Variants in MYO6 observed in about 807,000 individuals in gnomAD.
MYO6 encodes unconventional myosin-VI.
A neutral mutation model predicts 178.7 loss-of-function variants in MYO6; 74 were observed. The observed-to-expected ratio is 0.41, with a 90% confidence interval of 0.34 to 0.50. The LOEUF is 0.50. Ranked by LOEUF, MYO6 falls within the 20% of genes least tolerant of loss-of-function variation. MYO6 has a pLI of 0.09. For missense variants in MYO6, 1,330 were observed against 1,547.4 expected, an observed-to-expected ratio of 0.86 and a Z score of 2.36; for synonymous variants, 477 against 504.6, an observed-to-expected ratio of 0.95 and a Z score of 0.73.
At chr6:75,900,491 G>C (rs1169376920) in intron 30 of MYO6, among the ~76,000 whole-genome samples, 1 of 152,190 alleles carries the variant, frequency 6.6e-6, no homozygotes, top group South Asian at 2.1e-4. Context: ...GGCCAGTGAT[G>C]GTGAGCATTT....
intron 23 of MYO6, among the ~76,000 whole-genome samples, chr6:75,882,342 TC>T (rs1778106700): frequency 6.6e-6 from 1 of 152,238 alleles, no homozygotes; most frequent in Non-Finnish European, 1.5e-5. Context: ...AGACTGGTTT[TC>T]CTGGTTTCTT....
intron 6 of MYO6, among the ~76,000 whole-genome samples, chr6:75,834,116 T>G (rs1773399268): frequency 6.6e-6 from 1 of 152,220 alleles, no homozygotes; most frequent in South Asian, 2.1e-4. Context: ...TTACGATAAT[T>G]TGCCTCCTTA....
intron 10 of MYO6, 62 bp downstream of exon 10, chr6:75,845,039 G>C: frequency 7.3e-7 from 1 of 1,360,866 alleles, no homozygotes; most frequent in South Asian, 1.2e-5. Flanking sequence ...TGAAAGATGT[G>C]TTATAATTTT....
chr6:75,781,035 A>T (rs1766930315), intron 1 of MYO6, among the ~76,000 whole-genome samples: 1 of 151,522 alleles, frequency 6.6e-6, no homozygotes, highest in South Asian at 2.1e-4. Flanking sequence ...TCGGTCTCAA[A>T]CTCCTGACCT....
chr6:75,802,920 T>C (rs1001435541), intron 1 of MYO6, among the ~76,000 whole-genome samples: 4 of 152,224 alleles, frequency 2.6e-5, no homozygotes, highest in African/African-American at 9.6e-5. Flanking sequence ...TATTATATTC[T>C]GATACTTTAA....
intron 33 of MYO6, among the ~76,000 whole-genome samples, chr6:75,913,355 A>C (rs1780905954): frequency 6.6e-6 from 1 of 152,222 alleles, no homozygotes; most frequent in African/African-American, 2.4e-5. Flanking sequence ...TCTTTTGGCA[A>C]GGAGAATCAA....
At chr6:75,870,505 C>T in intron 18 of MYO6, 142 bp from the exon 19 acceptor site, 27 of 677,908 alleles carry the variant, frequency 4.0e-5, no homozygotes, top group Middle Eastern at 2.5e-4. Context: ...ATTTGTGTAC[C>T]AGGAGGTTGT....
At chr6:75,892,019 TAA>T (rs1216590534) in intron 27 of MYO6, among the ~76,000 whole-genome samples, 2 of 152,358 alleles carry the variant, frequency 1.3e-5, no homozygotes, top group South Asian at 2.1e-4. Flanking sequence ...CTTAAAATGT[TAA>T]GTTTTAAAAT....
chr6:75,897,269 G>T (rs144969947), intron 29 of MYO6, among the ~76,000 whole-genome samples: 112 of 152,336 alleles, frequency 7.4e-4, no homozygotes, highest in African/African-American at 2.6e-3. Context: ...AAAATCTGCT[G>T]CATTTAAAAG....
At position 75,866,603 on chromosome 6, in the gene MYO6, G is replaced by T. The variant is rs1776719634; in HGVS notation, c.1752G>T (p.Gly584=). Residue 584 remains glycine (G), a synonymous_variant, in exon 17 of 35, where the codon GGG becomes GGT. Coordinates refer to ENST00000369977, the MANE Select transcript of MYO6 (RefSeq NM_004999.4). ...GCTTCATTATCAGGCATTTTGCGGGGGCAGTGTGCTATGAAACAGTGAGTA... is the reference window on the plus strand; with the variant it reads ...GCTTCATTATCAGGCATTTTGCGGGTGCAGTGTGCTATGAAACAGTGAGTA... ...DEGFIIRHFA[G]AVCYETTQFV... The T allele has an allele frequency of 6.2e-7, 1 of 1,613,734 alleles. No individual in the cohort carries two copies. Among genetic ancestry groups the T allele is most frequent in the African/African-American group, 1.3e-5 (1 of 74,926 alleles).
intron 2 of MYO6, among the ~76,000 whole-genome samples, chr6:75,822,552 A>G (rs906448412): frequency 6.6e-6 from 1 of 152,050 alleles, no homozygotes; most frequent in African/African-American, 2.4e-5. Flanking sequence ...ATACTTACTT[A>G]CTGATTTTTA....
chr6:75,886,823 A>T, intron 24 of MYO6, 21 bp from the exon 25 acceptor site: 1 of 1,612,376 alleles, frequency 6.2e-7, no homozygotes, highest in Non-Finnish European at 8.5e-7. Context: ...ATTAAGCTCT[A>T]ATGAAGTATT....
Position 75,858,679 on chromosome 6 carries a change from A to G in MYO6, c.1382-223A>G, listed in dbSNP as rs12213795. 0.1 allele frequency among the ~76,000 whole-genome samples: 15,753 copies of G among 152,296 alleles called. 984 individuals are homozygous for G. The highest frequency in any genetic ancestry group is 0.14 in the Non-Finnish European group (9,554 of 68,012). On this transcript the variant is annotated intron_variant, in intron 13 of 34. Transcript: ENST00000369977. ...ATACAACATTTATCTCATTTGAGAA[A>G]CACCTTATTTGTCAACTGAAGCAGG...
intron 33 of MYO6, among the ~76,000 whole-genome samples, chr6:75,912,894 G>C (rs1780867837): frequency 6.6e-6 from 1 of 152,068 alleles, no homozygotes; most frequent in South Asian, 2.1e-4. Flanking sequence ...ATATAGCTTT[G>C]CTAACTGCTT....
chr6:75,756,633 A>G (rs1375852630), intron 1 of MYO6, among the ~76,000 whole-genome samples: 1 of 152,142 alleles, frequency 6.6e-6, no homozygotes, highest in Non-Finnish European at 1.5e-5. Context: ...GTGCCTGGCC[A>G]ATAGCAGCTA....
At chr6:75,894,839 A>G (rs1248689435) in intron 28 of MYO6, 2 of 1,516,734 alleles carry the variant, frequency 1.3e-6, no homozygotes, top group South Asian at 1.3e-5. Flanking sequence ...GGTAACTTCT[A>G]AGTAAGAATT....
chr6:75,817,448 T>A, intron 1 of MYO6, 53 bp from the exon 2 acceptor site: 1 of 939,526 alleles, frequency 1.1e-6, no homozygotes, highest in South Asian at 1.3e-5. Flanking sequence ...ATTATTTGTT[T>A]TATATATATT....
intron 6 of MYO6, among the ~76,000 whole-genome samples, chr6:75,833,395 A>G (rs1302678262): frequency 6.6e-6 from 1 of 152,238 alleles, no homozygotes; most frequent in East Asian, 1.9e-4. Flanking sequence ...GTTGTTGTGC[A>G]GCCAATCTGT....
intron 10 of MYO6, among the ~76,000 whole-genome samples, chr6:75,845,902 G>T (rs548434254): frequency 6.6e-6 from 1 of 151,352 alleles, no homozygotes; most frequent in Non-Finnish European, 1.5e-5. Context: ...CAGGAGAATC[G>T]CTTGAACCCA....
Sources: allele counts gnomAD v4.1 joint callset (sites outside exome capture counted in the v4.1 genomes callset), GRCh38; gene constraint gnomAD v4.1.1; transcripts MANE v1.5; gene names NCBI Gene and HGNC (gene_info 2026-07-23, HGNC 2026-07-21).